The following RABGEF1 variants were observed in gnomAD, a reference collection of about 807,000 sequenced individuals.
RABGEF1 encodes the protein RAB guanine nucleotide exchange factor 1, also known as rab5 GDP/GTP exchange factor.
Under a neutral mutation model 57.3 loss-of-function variants are expected in RABGEF1, and 26 were observed. That is an observed-to-expected ratio of 0.45 (90% CI 0.33 to 0.63). RABGEF1 has a LOEUF of 0.63. Among genes scored for constraint, RABGEF1 ranks in the 20% least tolerant of loss-of-function variants. RABGEF1 has a pLI of 0.02. For synonymous variants in RABGEF1, 185 were observed against 210.7 expected, an observed-to-expected ratio of 0.88 and a Z score of 1.06; for missense variants, 464 against 607.6, an observed-to-expected ratio of 0.76 and a Z score of 2.48.
chr7:66,680,239 G>A (rs1371637372), upstream of RABGEF1, among the ~76,000 whole-genome samples: 3 of 151,590 alleles, frequency 2.0e-5, no homozygotes, highest in Admixed American at 2.0e-4. Context: ...GGTACTTTGT[G>A]TTTGTTTTCT....
At chr7:66,656,978 G>A in the RABGEF1 span, among the ~76,000 whole-genome samples, 2 of 152,088 alleles carry the variant, frequency 1.3e-5, no homozygotes, top group Admixed American at 6.6e-5. Context: ...TAAAACATAT[G>A]TGCCTAACAA....
chr7:66,688,873 A>T (rs537969754), intron 1 of RABGEF1, among the ~76,000 whole-genome samples: 2 of 152,166 alleles, frequency 1.3e-5, no homozygotes, highest in South Asian at 2.1e-4. Flanking sequence ...CGGGAGGATC[A>T]CCTGAGGTCA....
In RABGEF1 at chr7:66,796,845, C is replaced by T. The variant is rs1439430207; in HGVS notation, c.596-529C>T. ...ACCTCAGGCGATCCACCTGCCTCAG[C>T]CTCCCAAAGTGCTGGGAATACAGGA... is the stretch of plus-strand genomic sequence containing the variant. On this transcript the variant is annotated intron_variant, in intron 5 of 8. Transcript: ENST00000284957. 14 of 415,118 alleles carry T rather than the reference C, an allele frequency of 3.4e-5. No homozygotes were observed. The Admixed American group carries it at 4.2e-4, about 13-fold the overall frequency. The allele number at this position is 415,118 out of a possible 1,614,324, so 25.7% of individuals were successfully genotyped here.
intron 4 of RABGEF1, among the ~76,000 whole-genome samples, chr7:66,791,141 C>T (rs1038554708): frequency 1.3e-5 from 2 of 152,214 alleles, no homozygotes; most frequent in African/African-American, 2.4e-5. Context: ...TAGACACTGT[C>T]TAGCTGCTAA....
In RABGEF1 at chr7:66,747,688, G is replaced by A. The variant is rs532794431; in HGVS notation, c.-18+6896G>A. Reference sequence around the variant, plus strand: ...TAAAATTAGAATTTTCTAATTTTAAGCACTTTCATTTTTCCTTTAGAAGGT... The same window carrying A: ...TAAAATTAGAATTTTCTAATTTTAAACACTTTCATTTTTCCTTTAGAAGGT... On this transcript the variant is annotated intron_variant, in intron 1 of 8. Transcript: ENST00000284957. 2.6e-5 allele frequency among the ~76,000 whole-genome samples: 4 copies of A among 152,158 alleles called. No homozygotes were observed. The East Asian group carries it at 5.8e-4, about 22-fold the overall frequency.
chr7:66,771,725 TCTTC>T (rs960092742), intron 1 of RABGEF1, among the ~76,000 whole-genome samples, 154 bp from the exon 2 acceptor site: 2 of 152,164 alleles, frequency 1.3e-5, no homozygotes, highest in Non-Finnish European at 2.9e-5. Flanking sequence ...CATTCTTTTT[TCTTC>T]CTTCCTCCTC....
At chr7:66,804,068 T>C (rs1440672823) in intron 7 of RABGEF1, among the ~76,000 whole-genome samples, 3 of 151,732 alleles carry the variant, frequency 2.0e-5, no homozygotes, top group Non-Finnish European at 4.4e-5. Context: ...ACTAAGTGTG[T>C]CGGATTCCAG....
intron 1 of RABGEF1, among the ~76,000 whole-genome samples, chr7:66,689,779 G>T (rs1043218630): frequency 2.0e-5 from 3 of 151,770 alleles, no homozygotes; most frequent in Non-Finnish European, 4.4e-5. Flanking sequence ...TCCAGCCTGG[G>T]GGATGAGAGC....
intron 2 of RABGEF1, among the ~76,000 whole-genome samples, chr7:66,729,449 A>T (rs74438172): frequency 5.5e-4 from 2 of 3,652 alleles, no homozygotes; most frequent in South Asian, 0.017. Flanking sequence ...CTCCTCTCCA[A>T]CCTCACTTCT....
At chr7:66,676,766 A>T in the RABGEF1 span, among the ~76,000 whole-genome samples, 2 of 152,132 alleles carry the variant, frequency 1.3e-5, no homozygotes, top group African/African-American at 4.8e-5. Context: ...AATTGTTTGC[A>T]TGGAGGGGGT....
the RABGEF1 span, chr7:66,669,378 TG>T: frequency 6.6e-6 from 1 of 152,156 alleles, no homozygotes; most frequent in Admixed American, 6.5e-5. Context: ...GGCGCCAATA[TG>T]GGGTAACTCA....
intron 3 of RABGEF1, among the ~76,000 whole-genome samples, chr7:66,780,921 A>G (rs1212363079): frequency 1.3e-5 from 2 of 152,024 alleles, no homozygotes; most frequent in African/African-American, 4.8e-5. Flanking sequence ...ACATATTTGT[A>G]TTTTTATATT....
chr7:66,801,668 A>T (rs1369678669), intron 7 of RABGEF1, among the ~76,000 whole-genome samples: 1 of 152,156 alleles, frequency 6.6e-6, no homozygotes, highest in East Asian at 1.9e-4. Flanking sequence ...ATTTCACTTA[A>T]CATAATATCC....
intron 7 of RABGEF1, among the ~76,000 whole-genome samples, chr7:66,799,672 AT>A (rs1353872974): frequency 2.0e-5 from 3 of 151,696 alleles, no homozygotes; most frequent in East Asian, 1.9e-4. Context: ...GATAGAATAA[AT>A]TTTTTTTCTT....
chr7:66,751,615 A>G (rs1435027334), intron 1 of RABGEF1, among the ~76,000 whole-genome samples: 2 of 152,074 alleles, frequency 1.3e-5, no homozygotes, highest in African/African-American at 2.4e-5. Context: ...ATAAGGCCGC[A>G]TTTTGCTCTG....
chr7:66,657,954 T>C, the RABGEF1 span, among the ~76,000 whole-genome samples: 2 of 151,068 alleles, frequency 1.3e-5, no homozygotes, highest in African/African-American at 4.9e-5. Context: ...AAGATTAGAG[T>C]GGAAATAAAT....
At chr7:66,707,733 A>G (rs952043519) in intron 1 of RABGEF1, among the ~76,000 whole-genome samples, 4 of 152,114 alleles carry the variant, frequency 2.6e-5, no homozygotes. Flanking sequence ...TTATTGGTGT[A>G]TTGTTTATCT....
At chr7:66,654,902 A>C in the RABGEF1 span, among the ~76,000 whole-genome samples, 120,124 of 152,300 alleles carry the variant, frequency 0.79, 47,861 homozygotes, top group African/African-American at 0.91. Context: ...CAGCGCCCGG[A>C]CAAGCCCTTG....
chr7:66,743,200 A>G (rs2129050605), intron 1 of RABGEF1, among the ~76,000 whole-genome samples: 1 of 152,148 alleles, frequency 6.6e-6, no homozygotes, highest in South Asian at 2.1e-4. Flanking sequence ...CTAGCTACTC[A>G]GGAGGCTGAG....
Sources: allele counts gnomAD v4.1 joint callset (sites outside exome capture counted in the v4.1 genomes callset), GRCh38; gene constraint gnomAD v4.1.1; transcripts MANE v1.5; gene names NCBI Gene and HGNC (gene_info 2026-07-23, HGNC 2026-07-21).